FBXO31: variants seen among roughly 807,000 people sequenced by gnomAD.
FBXO31 encodes F-box only protein 31.
In FBXO31, 24 loss-of-function variants were observed where a neutral mutation model predicts 54.4. The ratio of observed to expected loss-of-function variants is 0.44; its 90% CI spans 0.32 to 0.62. The LOEUF is 0.62. Ranked by LOEUF, FBXO31 falls within the 20% of genes least tolerant of loss-of-function variation. The probability of loss-of-function intolerance (pLI) is 0.05; values close to 1 mark genes in which losing one functional copy is unlikely to be tolerated. For synonymous variants in FBXO31, 388 were observed against 335.6 expected, an observed-to-expected ratio of 1.16 and a Z score of -1.71; for missense variants, 665 against 787.1, an observed-to-expected ratio of 0.84 and a Z score of 1.86.
chr16:87,337,558 G>A (rs570211441), intron 5 of FBXO31, among the ~76,000 whole-genome samples: 1 of 152,328 alleles, frequency 6.6e-6, no homozygotes, highest in South Asian at 2.1e-4. Context: ...TCATGACACG[G>A]CGTGCAAGCC....
rs1019609565 is a variant in FBXO31 at position 87,346,777 on chromosome 16, G to A, written c.489+397C>T. Reference sequence around the variant, plus strand: ...GGGTGGTCAGAGCGGGTCCACAGCAGAACCCAAGGAAACAGACGTCAGAGT... The same window carrying A: ...GGGTGGTCAGAGCGGGTCCACAGCAAAACCCAAGGAAACAGACGTCAGAGT... On this transcript the variant is annotated intron_variant, in intron 3 of 8. Coordinates refer to ENST00000311635, the MANE Select transcript of FBXO31 (RefSeq NM_024735.5). This position sits in a 1 kb window ranked among gnomAD's most constrained non-coding sequence, Gnocchi z 4.2. Among the ~76,000 whole-genome samples, 1 of 152,182 alleles carries A rather than the reference G, an allele frequency of 6.6e-6. No homozygotes were observed.
chr16:87,352,611 C>T (rs560678244), intron 2 of FBXO31, among the ~76,000 whole-genome samples: 3 of 152,138 alleles, frequency 2.0e-5, no homozygotes, highest in South Asian at 2.1e-4. Context: ...CCAGGGAAGC[C>T]GTGTCCATCA....
intron 2 of FBXO31, among the ~76,000 whole-genome samples, chr16:87,359,701 A>G (rs999927934): frequency 6.6e-6 from 1 of 152,232 alleles, no homozygotes; most frequent in African/African-American, 2.4e-5. Context: ...TCCAGTGAGC[A>G]AGAAATGGGA....
chr16:87,365,607 C>T (rs951961187), intron 1 of FBXO31, among the ~76,000 whole-genome samples: 2 of 152,236 alleles, frequency 1.3e-5, no homozygotes, highest in Non-Finnish European at 2.9e-5. Flanking sequence ...GGGCTGTGAA[C>T]ATCTCTGCCC....
rs778498261 is a variant in FBXO31, at chr16:87,333,970, G to C, written c.1313C>G (p.Ala438Gly). 1 of 1,612,648 alleles carries C rather than the reference G, an allele frequency of 6.2e-7. No individual in the cohort carries two copies. The highest frequency in any genetic ancestry group is 8.5e-7 in the Non-Finnish European group (1 of 1,179,832). ...GDAVAAAEQP[A>G]QCGQGQPFVL... The stretch of plus-strand genomic sequence containing the variant: ...GAACGGCTGCCCCTGCCCACACTGG[G>C]CAGGCTGCTCGGCCGCAGCTACGGC... Residue 438 changes from alanine to glycine, a missense_variant, in exon 8 of 9, where the codon GCC becomes GGC. Coordinates refer to ENST00000311635, the MANE Select transcript of FBXO31 (RefSeq NM_024735.5).
intron 1 of FBXO31, among the ~76,000 whole-genome samples, chr16:87,366,087 C>CT (rs1906356054): frequency 6.6e-6 from 1 of 152,086 alleles, no homozygotes; most frequent in Non-Finnish European, 1.5e-5. Flanking sequence ...CAAGCAGAGT[C>CT]TAACAAACTG....
intron 3 of FBXO31, among the ~76,000 whole-genome samples, chr16:87,344,298 G>A (rs891093): frequency 0.38 from 58,561 of 152,194 alleles, 11,855 homozygotes; most frequent in East Asian, 0.7. Flanking sequence ...GAAGTGCAGG[G>A]GAGGAGAGAG....
intron 2 of FBXO31, among the ~76,000 whole-genome samples, chr16:87,357,563 G>C (rs969136711): frequency 1.1e-4 from 17 of 152,004 alleles, no homozygotes; most frequent in African/African-American, 4.1e-4. Context: ...CCTGACCTCA[G>C]ATGATCCACC....
upstream of FBXO31, among the ~76,000 whole-genome samples, chr16:87,391,166 C>T (rs1271117838): frequency 6.6e-6 from 1 of 152,084 alleles, no homozygotes. Flanking sequence ...GCCCGGGCAA[C>T]ACAGCGAGAT....
chr16:87,372,212 G>C (rs373493647), intron 1 of FBXO31, among the ~76,000 whole-genome samples: 46 of 152,188 alleles, frequency 3.0e-4, no homozygotes, highest in African/African-American at 1.0e-3. Context: ...CAACAGAGTA[G>C]GGAAAAATGA....
In FBXO31 at chr16:87,346,918, C is replaced by T. The variant is rs1200896013; in HGVS notation, c.489+256G>A. Reference sequence around the variant, plus strand: ...GGCCTCAGCGTCCAGGAAGCAAAGGCCCTCACAAGCCACCCCCTCAGACCA... The same window carrying T: ...GGCCTCAGCGTCCAGGAAGCAAAGGTCCTCACAAGCCACCCCCTCAGACCA... On this transcript the variant is annotated intron_variant, in intron 3 of 8. Coordinates refer to ENST00000311635, the MANE Select transcript of FBXO31 (RefSeq NM_024735.5). This position sits in a 1 kb window ranked among gnomAD's most constrained non-coding sequence, Gnocchi z 4.2. Among the ~76,000 whole-genome samples, 2 of 152,238 alleles carry T rather than the reference C, an allele frequency of 1.3e-5. No homozygotes were observed. The highest frequency in any genetic ancestry group is 2.9e-5 in the Non-Finnish European group (2 of 68,048).
At position 87,336,295 on chromosome 16, in the gene FBXO31, A is replaced by G. The variant is rs762780122; in HGVS notation, c.733-31T>C. ...AAAAGAACACAGGTCATGAATATCC[A>G]TATGACAGGAGGCTGTGAAGAGGCT... On this transcript the variant is annotated intron_variant, in intron 5 of 8. Transcript: ENST00000311635. This position sits in a 1 kb window ranked among gnomAD's most constrained non-coding sequence, Gnocchi z 6.5. 8 of 1,594,346 alleles carry G rather than the reference A, an allele frequency of 5.0e-6. No individual in the cohort carries two copies. Among genetic ancestry groups the G allele is most frequent in the Non-Finnish European group, 6.9e-6 (8 of 1,163,278 alleles).
rs139375640 is a variant in FBXO31 at position 87,330,825 on chromosome 16, C to A, written c.*463G>T. Reference sequence around the variant, plus strand: ...TGAGCTGTTCGCCTCTTCCTGACCCCCTCCCAGAGGCCACTGTTGCCTGGC... The same window carrying A: ...TGAGCTGTTCGCCTCTTCCTGACCCACTCCCAGAGGCCACTGTTGCCTGGC... On this transcript the variant is annotated 3_prime_UTR_variant, in exon 9 of 9. Coordinates refer to ENST00000311635, the MANE Select transcript of FBXO31 (RefSeq NM_024735.5). The A allele has an allele frequency of 4.3e-3, 755 of 177,636 alleles. 3 individuals carry two copies. Among genetic ancestry groups the A allele is most frequent in the African/African-American group, 0.017 (732 of 42,314 alleles). The allele number at this position is 177,636 out of a possible 1,614,324, so 11.0% of individuals were successfully genotyped here.
At position 87,345,852 on chromosome 16, in the gene FBXO31, G is replaced by A. The variant is rs1439998961; in HGVS notation, c.489+1322C>T. Reference sequence around the variant, plus strand: ...GGCCCATGTCTGGCACCTGCAGGCTGGAGAGGCACACACGGAGACCAGGTC... The same window carrying A: ...GGCCCATGTCTGGCACCTGCAGGCTAGAGAGGCACACACGGAGACCAGGTC... On this transcript the variant is annotated intron_variant, in intron 3 of 8. Coordinates refer to ENST00000311635, the MANE Select transcript of FBXO31 (RefSeq NM_024735.5). The surrounding 1 kb of genome is among the most constrained non-coding windows in gnomAD (Gnocchi z 4.9). Among the ~76,000 whole-genome samples the A allele has an allele frequency of 2.6e-5, 4 of 152,060 alleles. No individual in the cohort carries two copies. Among genetic ancestry groups the A allele is most frequent in the Admixed American group, 2.0e-4 (3 of 15,264 alleles).
intron 2 of FBXO31, among the ~76,000 whole-genome samples, chr16:87,350,343 T>C (rs545440355): frequency 8.5e-5 from 13 of 152,204 alleles, no homozygotes; most frequent in African/African-American, 2.6e-4. Flanking sequence ...GCCCAGACCA[T>C]GGTTTAGGAA....
At chr16:87,371,808 C>A (rs933832259) in intron 1 of FBXO31, among the ~76,000 whole-genome samples, 1 of 152,250 alleles carries the variant, frequency 6.6e-6, no homozygotes, top group African/African-American at 2.4e-5. Context: ...TTCTGCTGGG[C>A]AAGTCTCAGG....
rs753464531 is a variant in FBXO31, at chr16:87,342,947, A to G, written c.662T>C (p.Val221Ala). 1 of 1,606,608 alleles carries G rather than the reference A, an allele frequency of 6.2e-7. No homozygotes were observed. The highest frequency in any genetic ancestry group is 8.5e-7 in the Non-Finnish European group (1 of 1,176,612). ...CTTGGTGGAGAACTCATCCTTCTTCACAATCTTCAGTGTTTGCAACACAAG... is the reference window on the plus strand; with the variant it reads ...CTTGGTGGAGAACTCATCCTTCTTCGCAATCTTCAGTGTTTGCAACACAAG... ...KGPHHGHIQI[V>A]KKDEFSTKCN... Residue 221 changes from valine (V) to alanine (A), a missense_variant, in exon 5 of 9, where the codon GTG becomes GCG. This residue lies in a region of FBXO31 where 234 missense variants were observed against 346.8 expected (regional missense o/e 0.67). Coordinates refer to ENST00000311635, the MANE Select transcript of FBXO31 (RefSeq NM_024735.5).
chr16:87,381,043 CACA>C (rs1300650280), intron 1 of FBXO31, among the ~76,000 whole-genome samples: 2 of 152,300 alleles, frequency 1.3e-5, no homozygotes, highest in East Asian at 3.9e-4. Flanking sequence ...AACTTCAAAG[CACA>C]ACGACACATC....
intron 1 of FBXO31, chr16:87,389,459 C>T (rs1194392325): frequency 6.6e-6 from 1 of 152,138 alleles, no homozygotes; most frequent in Non-Finnish European, 1.5e-5. Flanking sequence ...TTATGGATGC[C>T]CAAGGGTGGG....
Sources: gnomAD v4.1 joint callset for allele counts (sites outside exome capture counted in the v4.1 genomes callset) on GRCh38, gnomAD v4.1.1 for gene constraint, gnomAD v4.1.1 regional missense constraint, Gnocchi (gnomAD v3.1) non-coding constraint, MANE v1.5 for transcripts, NCBI Gene and HGNC (gene_info 2026-07-23, HGNC 2026-07-21) for gene names.